ADARB2: variants seen among roughly 807,000 people sequenced by gnomAD.
ADARB2 encodes inactive double-stranded RNA-specific editase B2.
Under a neutral mutation model 62.2 loss-of-function variants are expected in ADARB2, and 25 were observed. The ratio of observed to expected loss-of-function variants is 0.40; its 90% CI spans 0.29 to 0.56. ADARB2 has a LOEUF of 0.56. ADARB2 is among the 20% of genes least tolerant of loss of function. The pLI is 0.43. For missense variants in ADARB2, 1,071 were observed against 1,077.4 expected, an observed-to-expected ratio of 0.99 and a Z score of 0.08; for synonymous variants, 572 against 500.8, an observed-to-expected ratio of 1.14 and a Z score of -1.90.
At chr10:1,358,787 A>C (rs149826826) in intron 3 of ADARB2, among the ~76,000 whole-genome samples, 47 of 152,266 alleles carry the variant, frequency 3.1e-4, no homozygotes, top group African/African-American at 1.1e-3. Flanking sequence ...CTGACATGAA[A>C]ATTTAAAAAA....
At chr10:1,576,766 A>G (rs1422147557) in intron 1 of ADARB2, among the ~76,000 whole-genome samples, 2 of 152,132 alleles carry the variant, frequency 1.3e-5, no homozygotes, top group Non-Finnish European at 2.9e-5. Context: ...CTCTCAAGGA[A>G]AGGCCCTTGG....
chr10:1,451,651 AAGGGGACACACCTGTATAAC>A (rs67493661), intron 1 of ADARB2, among the ~76,000 whole-genome samples: 83,560 of 151,048 alleles, frequency 0.55, 24,728 homozygotes, highest in Middle Eastern at 0.68. Flanking sequence ...CCTGTATGAG[AAGGGGACACACCTGTATAAC>A]AGGGGACACA....
At chr10:1,685,845 T>TG (rs1354315079) in intron 1 of ADARB2, among the ~76,000 whole-genome samples, 2 of 152,148 alleles carry the variant, frequency 1.3e-5, no homozygotes, top group African/African-American at 4.8e-5. Flanking sequence ...GGGGCTGGGC[T>TG]GGGGGAACAA....
At chr10:1,384,171 T>A (rs967998003) in intron 1 of ADARB2, among the ~76,000 whole-genome samples, 1 of 152,236 alleles carries the variant, frequency 6.6e-6, no homozygotes, top group African/African-American at 2.4e-5. Flanking sequence ...TGGGGTTGGC[T>A]AAAAGCCCCA....
chr10:1,319,525 T>C (rs962983737), intron 3 of ADARB2, among the ~76,000 whole-genome samples: 1 of 152,232 alleles, frequency 6.6e-6, no homozygotes, highest in Non-Finnish European at 1.5e-5. Context: ...ATAATAGCTA[T>C]GGATTAGCAA....
At chr10:1,616,621 C>A (rs1353517272) in intron 1 of ADARB2, among the ~76,000 whole-genome samples, 6 of 142,782 alleles carry the variant, frequency 4.2e-5, no homozygotes, top group Admixed American at 4.2e-4. Context: ...GGGTTGCATT[C>A]TGTCGCTAGA....
intron 3 of ADARB2, among the ~76,000 whole-genome samples, chr10:1,284,787 A>G (rs1376560373): frequency 6.6e-6 from 1 of 152,104 alleles, no homozygotes; most frequent in East Asian, 1.9e-4. Flanking sequence ...CCAACCATAC[A>G]CTGTAAATCC....
At chr10:1,726,703 T>C (rs1835169552) in intron 1 of ADARB2, among the ~76,000 whole-genome samples, 1 of 152,144 alleles carries the variant, frequency 6.6e-6, no homozygotes, top group Admixed American at 6.5e-5. Context: ...AGCCAGAGGG[T>C]CCTGGGCCCT....
At chr10:1,701,872 C>T (rs1172069442) in intron 1 of ADARB2, among the ~76,000 whole-genome samples, 15 of 150,034 alleles carry the variant, frequency 1.0e-4, no homozygotes, top group South Asian at 4.2e-4. Flanking sequence ...CCCACTCCAC[C>T]GGGAGACCAG....
chr10:1,353,684 A>T (rs1832167423), intron 3 of ADARB2, among the ~76,000 whole-genome samples: 2 of 152,150 alleles, frequency 1.3e-5, no homozygotes, highest in Admixed American at 1.3e-4. Flanking sequence ...ACCCACTGGA[A>T]TTCCCCTGGG....
At chr10:1,491,269 C>G in intron 1 of ADARB2, among the ~76,000 whole-genome samples, 1 of 152,094 alleles carries the variant, frequency 6.6e-6, no homozygotes, top group East Asian at 1.9e-4. Context: ...AGGGTTGTGC[C>G]ACGTTGCCCA....
intron 1 of ADARB2, among the ~76,000 whole-genome samples, chr10:1,693,350 G>C (rs77788738): frequency 0.016 from 2,373 of 152,242 alleles, 68 homozygotes; most frequent in African/African-American, 0.054. Context: ...TTGTGTGATG[G>C]TCAATGTGGG....
chr10:1,579,216 T>G (rs1362529066), intron 1 of ADARB2, among the ~76,000 whole-genome samples: 1 of 152,176 alleles, frequency 6.6e-6, no homozygotes, highest in Non-Finnish European at 1.5e-5. Flanking sequence ...GGTCACCTGT[T>G]CGAGGGCAAA....
intron 1 of ADARB2, among the ~76,000 whole-genome samples, chr10:1,590,872 G>A (rs1706273652): frequency 6.6e-6 from 1 of 152,264 alleles, no homozygotes; most frequent in South Asian, 2.1e-4. Flanking sequence ...TCTGCTGCAG[G>A]AGCTGTGATG....
chr10:1,651,063 C>A (rs1398814574), intron 1 of ADARB2, among the ~76,000 whole-genome samples: 1 of 152,196 alleles, frequency 6.6e-6, no homozygotes, highest in Non-Finnish European at 1.5e-5. Context: ...TCCGCTCTCC[C>A]CTCGTGAGAC....
intron 5 of ADARB2, among the ~76,000 whole-genome samples, chr10:1,234,475 T>C (rs1196399984): frequency 6.6e-6 from 1 of 152,140 alleles, no homozygotes; most frequent in African/African-American, 2.4e-5. Context: ...TCTTGCTCTG[T>C]TGCTGCTCAT....
intron 3 of ADARB2, among the ~76,000 whole-genome samples, chr10:1,307,754 A>G (rs1387808056): frequency 1.1e-5 from 1 of 87,568 alleles, no homozygotes; most frequent in African/African-American, 3.8e-5. Context: ...GCAGCCATGA[A>G]AAATGACGAG....
At chr10:1,723,592 A>C (rs1443363685) in intron 1 of ADARB2, among the ~76,000 whole-genome samples, 1 of 152,196 alleles carries the variant, frequency 6.6e-6, no homozygotes, top group Non-Finnish European at 1.5e-5. Flanking sequence ...AACCTGGGAA[A>C]AGAACTGTCA....
chr10:1,293,219 A>G (rs1589181442), intron 3 of ADARB2, among the ~76,000 whole-genome samples: 2 of 95,958 alleles, frequency 2.1e-5, no homozygotes, highest in Admixed American at 1.2e-4. Context: ...AGGGAGGGAG[A>G]GAGGGACGGG....
Sources: allele counts gnomAD v4.1 joint callset (sites outside exome capture counted in the v4.1 genomes callset), GRCh38; gene constraint gnomAD v4.1.1; transcripts MANE v1.5; gene names NCBI Gene and HGNC (gene_info 2026-07-23, HGNC 2026-07-21).